Variants in SYCP2L observed in about 807,000 individuals in gnomAD.
SYCP2L encodes synaptonemal complex protein 2 like.
In SYCP2L, 98 loss-of-function variants were observed where a neutral mutation model predicts 125.8. That is an observed-to-expected ratio of 0.78 (90% CI 0.66 to 0.92). SYCP2L has a LOEUF of 0.92. Ranked by LOEUF, SYCP2L falls within the 40% of genes least tolerant of loss-of-function variation. The pLI, the probability that SYCP2L is intolerant of heterozygous loss-of-function variation, is 0.00. For synonymous variants in SYCP2L, 317 were observed against 325.4 expected (o/e 0.97, Z 0.28); for missense variants, 842 against 936.4 (o/e 0.90, Z 1.32).
chr6:10,893,902 A>G lies in SYCP2L; in HGVS notation c.114A>G (p.Lys38=). 1 of 1,610,252 alleles carries G rather than the reference A, an allele frequency of 6.2e-7. No individual in the cohort carries two copies. The highest frequency in any genetic ancestry group is 8.5e-7 in the Non-Finnish European group (1 of 1,179,166). The change falls in exon 3 of 30, where the codon AAA becomes AAG. Residue 38 remains lysine (K), a synonymous_variant. Coordinates refer to ENST00000283141, the MANE Select transcript of SYCP2L (RefSeq NM_001040274.3). ...TTATTACGGATGCATTCCATGATAA[A>G]GGATTTCAGAAAATAAAAGAATACT... The part of the protein sequence containing the change: ...QSLITDAFHD[K]GFQKIKEYFQ...
At chr6:10,909,116 A>ATTTTTTTTTTTTTTT (rs67767345) in intron 10 of SYCP2L, among the ~76,000 whole-genome samples, 2 of 94,878 alleles carry the variant, frequency 2.1e-5, no homozygotes, top group African/African-American at 9.6e-5. Flanking sequence ...TCTCAATTGA[A>ATTTTTTTTTTTTTTT]TTTTTTTTTT....
At chr6:10,948,431 A>G (rs1441502362) in intron 23 of SYCP2L, among the ~76,000 whole-genome samples, 5 of 152,156 alleles carry the variant, frequency 3.3e-5, no homozygotes, top group Non-Finnish European at 5.9e-5. Context: ...TTTTACTTAT[A>G]TGTGGAATTT....
At chr6:10,961,078 C>CAAAAAAAA in intron 26 of SYCP2L, among the ~76,000 whole-genome samples, 1 of 117,692 alleles carries the variant, frequency 8.5e-6, no homozygotes, top group Non-Finnish European at 1.8e-5. Context: ...AACTCCATCT[C>CAAAAAAAA]AAAAAAAAAA....
intron 11 of SYCP2L, 109 bp from the exon 12 acceptor site, chr6:10,910,715 G>A: frequency 3.4e-6 from 4 of 1,160,614 alleles, no homozygotes; most frequent in Non-Finnish European, 3.9e-6. Flanking sequence ...TACTCTGTAC[G>A]AGGAGACTTA....
intron 18 of SYCP2L, chr6:10,930,071 G>A (rs759209391): frequency 1.0e-5 from 2 of 199,732 alleles, no homozygotes; most frequent in Non-Finnish European, 2.0e-5. Flanking sequence ...TTTTCAAGTA[G>A]TATTAGGCAC....
At chr6:10,937,885 A>G (rs1007700104) in intron 21 of SYCP2L, among the ~76,000 whole-genome samples, 2 of 152,220 alleles carry the variant, frequency 1.3e-5, no homozygotes, top group African/African-American at 4.8e-5. Context: ...AAAGCTGAAC[A>G]GACCCATAAT....
intron 29 of SYCP2L, among the ~76,000 whole-genome samples, chr6:10,972,701 T>C (rs1208828916): frequency 1.3e-5 from 2 of 152,196 alleles, no homozygotes; most frequent in Non-Finnish European, 2.9e-5. Context: ...TTTATTTATT[T>C]AGTCTATTTT....
chr6:10,891,438 TGCTTTGTGTTTAAAACTTGAAATGCA>T, intron 1 of SYCP2L, 49 bp from the exon 2 acceptor site: 1 of 537,300 alleles, frequency 1.9e-6, no homozygotes. Flanking sequence ...TTTTTTTTTT[TGCTTTGTGTTTAAAACTTGAAATGCA>T]TTTCTTTGAA....
chr6:10,965,157 T>C (rs929765750), intron 29 of SYCP2L, among the ~76,000 whole-genome samples: 3 of 152,116 alleles, frequency 2.0e-5, no homozygotes, highest in Admixed American at 1.3e-4. Context: ...TAAGAATTGA[T>C]GGGAGGAATG....
chr6:10,931,559 T>C, intron 20 of SYCP2L, 70 bp downstream of exon 20: 1 of 1,429,764 alleles, frequency 7.0e-7, no homozygotes, highest in Non-Finnish European at 9.8e-7. Context: ...CAAAAACAAC[T>C]TTCAGAAATA....
At chr6:10,923,919 C>G (rs1458712294) in intron 14 of SYCP2L, among the ~76,000 whole-genome samples, 3 of 150,808 alleles carry the variant, frequency 2.0e-5, no homozygotes, top group Non-Finnish European at 4.4e-5. Context: ...CTCCTGACCT[C>G]GTGATCCACC....
chr6:10,903,754 A>AAAATAAAAAT (rs966494039), intron 8 of SYCP2L, among the ~76,000 whole-genome samples: 1 of 151,982 alleles, frequency 6.6e-6, no homozygotes, highest in African/African-American at 2.4e-5. Flanking sequence ...CTGTCTCAAA[A>AAAATAAAAAT]AAATAAAAAT....
At chr6:10,903,656 C>G (rs2113303597) in intron 8 of SYCP2L, among the ~76,000 whole-genome samples, 1 of 152,142 alleles carries the variant, frequency 6.6e-6, no homozygotes, top group South Asian at 2.1e-4. Flanking sequence ...GAGGTTGAGG[C>G]AGGAGAATCG....
At chr6:10,957,084 C>T (rs533471996) in intron 25 of SYCP2L, among the ~76,000 whole-genome samples, 2 of 152,176 alleles carry the variant, frequency 1.3e-5, no homozygotes, top group Non-Finnish European at 2.9e-5. Context: ...CTGCTTCAGC[C>T]TCCCAAACTG....
At chr6:10,916,383 T>A (rs918891213) in intron 14 of SYCP2L, among the ~76,000 whole-genome samples, 1 of 152,210 alleles carries the variant, frequency 6.6e-6, no homozygotes, top group Admixed American at 6.5e-5. Context: ...TGTTCTTATT[T>A]CTCTAGTTCC....
intron 29 of SYCP2L, among the ~76,000 whole-genome samples, chr6:10,965,636 T>C (rs949725705): frequency 6.6e-6 from 1 of 152,210 alleles, no homozygotes; most frequent in African/African-American, 2.4e-5. Flanking sequence ...AATATGTGTA[T>C]GATCCAGATT....
intron 21 of SYCP2L, among the ~76,000 whole-genome samples, chr6:10,936,543 C>T (rs1377566911): frequency 6.6e-6 from 1 of 151,994 alleles, no homozygotes; most frequent in African/African-American, 2.4e-5. Flanking sequence ...AAGAAAGGAA[C>T]AAAGTTACTA....
intron 28 of SYCP2L, 104 bp downstream of exon 28, chr6:10,961,662 T>G (rs1469824668): frequency 8.8e-7 from 1 of 1,131,084 alleles, no homozygotes; most frequent in Non-Finnish European, 1.3e-6. Flanking sequence ...CCATAACTAA[T>G]GAAATAGCTG....
Position 10,955,229 on chromosome 6 carries a change from C to T in SYCP2L, c.2056+12C>T. 1 of 1,545,298 alleles carries T rather than the reference C, an allele frequency of 6.5e-7. No individual in the cohort carries two copies. The highest frequency in any genetic ancestry group is 9.0e-7 in the Non-Finnish European group (1 of 1,117,256). On this transcript the variant is annotated intron_variant, in intron 24 of 29. Coordinates refer to ENST00000283141, the MANE Select transcript of SYCP2L (RefSeq NM_001040274.3). ...AAGAGAGTTGCCAGGTAACATCATG[C>T]ACCCAGCCAATGGTTCAAGTAGGAG...
Sources: allele counts gnomAD v4.1 joint callset (sites outside exome capture counted in the v4.1 genomes callset), GRCh38; gene constraint gnomAD v4.1.1; transcripts MANE v1.5; gene names NCBI Gene and HGNC (gene_info 2026-07-23, HGNC 2026-07-21).